PLXNC1: variants seen among roughly 807,000 people sequenced by gnomAD.
The protein encoded by PLXNC1 is plexin-C1.
Under a neutral mutation model 178.2 loss-of-function variants are expected in PLXNC1, and 75 were observed. The ratio of observed to expected loss-of-function variants is 0.42; its 90% CI spans 0.35 to 0.51. The LOEUF (loss-of-function observed/expected upper bound fraction) is 0.51, where lower values mean the gene tolerates loss of function less well. Ranked by LOEUF, PLXNC1 falls within the 20% of genes least tolerant of loss-of-function variation. The pLI, the probability that PLXNC1 is intolerant of heterozygous loss-of-function variation, is 0.02. For synonymous variants in PLXNC1, 790 were observed against 779.9 expected (o/e 1.01, Z -0.22); for missense variants, 1,503 against 1,984.4 (o/e 0.76, Z 4.61).
At chr12:94,172,612 T>C (rs1208902929) in intron 2 of PLXNC1, among the ~76,000 whole-genome samples, 1 of 152,204 alleles carries the variant, frequency 6.6e-6, no homozygotes, top group East Asian at 1.9e-4. Context: ...TCTCTATTTA[T>C]GTAGTTGAGG....
intron 24 of PLXNC1, among the ~76,000 whole-genome samples, 173 bp from the exon 25 acceptor site, chr12:94,297,016 C>T (rs981601067): frequency 6.6e-6 from 1 of 152,178 alleles, no homozygotes; most frequent in Non-Finnish European, 1.5e-5. Context: ...TCACGCTGTT[C>T]TTAAGATCTT....
At chr12:94,304,588 C>A (rs923916550) in intron 30 of PLXNC1, among the ~76,000 whole-genome samples, 1 of 152,104 alleles carries the variant, frequency 6.6e-6, no homozygotes, top group African/African-American at 2.4e-5. Flanking sequence ...CTCCCCCTTC[C>A]CTGATTCCCC....
At chr12:94,236,116 ATAAT>A (rs2136044885) in intron 9 of PLXNC1, among the ~76,000 whole-genome samples, 1 of 152,358 alleles carries the variant, frequency 6.6e-6, no homozygotes, top group South Asian at 2.1e-4. Context: ...GTATAACAGA[ATAAT>A]TAAAGTGACC....
chr12:94,271,483 G>A (rs1024527373), intron 21 of PLXNC1, among the ~76,000 whole-genome samples: 1 of 152,196 alleles, frequency 6.6e-6, no homozygotes, highest in East Asian at 1.9e-4. Context: ...GGGTAAAACC[G>A]GTAGTGAAAG....
chr12:94,166,749 GGC>G (rs1385430836), intron 1 of PLXNC1, among the ~76,000 whole-genome samples: 2 of 151,822 alleles, frequency 1.3e-5, no homozygotes, highest in African/African-American at 4.8e-5. Flanking sequence ...TTGATTTAAT[GGC>G]TGCACCACTT....
intron 2 of PLXNC1, among the ~76,000 whole-genome samples, chr12:94,171,680 G>A (rs1052688575): frequency 6.6e-6 from 1 of 152,172 alleles, no homozygotes; most frequent in African/African-American, 2.4e-5. Flanking sequence ...TGCAGATAGG[G>A]TTCCATGCCG....
intron 9 of PLXNC1, 48 bp downstream of exon 9, chr12:94,227,283 G>A (rs1399302921): frequency 9.4e-7 from 1 of 1,067,692 alleles, no homozygotes; most frequent in Non-Finnish European, 1.5e-6. Flanking sequence ...GTCTTTGAAT[G>A]ACCATGACCA....
At chr12:94,299,300 G>C (rs1319322768) in intron 27 of PLXNC1, among the ~76,000 whole-genome samples, 1 of 152,118 alleles carries the variant, frequency 6.6e-6, no homozygotes, top group Non-Finnish European at 1.5e-5. Flanking sequence ...GACAGGCAAG[G>C]CATCCAAATT....
At chr12:94,216,858 T>C (rs1044360040) in intron 5 of PLXNC1, among the ~76,000 whole-genome samples, 5 of 152,212 alleles carry the variant, frequency 3.3e-5, no homozygotes, top group African/African-American at 1.2e-4. Flanking sequence ...GCATCCCACC[T>C]GCCCTTTAAG....
Position 94,149,477 on chromosome 12 carries a change from C to T in PLXNC1, c.506C>T (p.Ala169Val). 1 of 1,510,638 alleles carries T rather than the reference C, an allele frequency of 6.6e-7. No homozygotes were observed. Among genetic ancestry groups the T allele is most frequent in the Non-Finnish European group, 8.8e-7 (1 of 1,136,116 alleles). The allele number at this position is 1,510,638 out of a possible 1,614,324, so 93.6% of individuals were successfully genotyped here. ...QGSTAGVVYR[A>V]GRNNRWYLAV... ...TCGACGGCCGGCGTGGTGTACCGCG[C>T]GGGCCGGAACAACCGCTGGTACCTG... is the stretch of plus-strand genomic sequence containing the variant. The change falls in exon 1 of 31, where the codon GCG becomes GTG. Residue 169 changes from alanine (A) to valine (V), a missense_variant. Coordinates refer to ENST00000258526, the MANE Select transcript of PLXNC1 (RefSeq NM_005761.3).
intron 27 of PLXNC1, among the ~76,000 whole-genome samples, chr12:94,299,727 C>A (rs1968280361): frequency 6.6e-6 from 1 of 152,108 alleles, no homozygotes; most frequent in Non-Finnish European, 1.5e-5. Flanking sequence ...ACTCAGCTAA[C>A]TTTTAAAACT....
chr12:94,293,143 T>C (rs1468402173), intron 23 of PLXNC1, among the ~76,000 whole-genome samples: 1 of 152,222 alleles, frequency 6.6e-6, no homozygotes, highest in Non-Finnish European at 1.5e-5. Flanking sequence ...GATTGTAAGA[T>C]TTACCCATGT....
chr12:94,219,224 A>C (rs1171330326), intron 5 of PLXNC1, among the ~76,000 whole-genome samples: 2 of 152,234 alleles, frequency 1.3e-5, no homozygotes, highest in Non-Finnish European at 2.9e-5. Context: ...TGGCATTGGA[A>C]TAGAAGTAGA....
At position 94,294,518 on chromosome 12, in the gene PLXNC1, GA is replaced by G; in HGVS notation, c.3914del (p.Lys1305ArgfsTer2). Reference sequence around the variant, plus strand: ...ATGGATCCACTATAAAAGTCTTTAAGAAGATAGCAAATTTTACTTCAGGTAA... The same window carrying G: ...ATGGATCCACTATAAAAGTCTTTAAGAGATAGCAAATTTTACTTCAGGTAA... ...SNGSTIKVFK[K>X]IANFTSDVEY... On this transcript the variant is annotated frameshift_variant, in exon 24 of 31. Coordinates refer to ENST00000258526, the MANE Select transcript of PLXNC1 (RefSeq NM_005761.3). LOFTEE classifies it high-confidence loss of function. The G allele has an allele frequency of 7.6e-7, 1 of 1,316,356 alleles. No individual in the cohort carries two copies. The highest frequency in any genetic ancestry group is 1.1e-6 in the Non-Finnish European group (1 of 917,646). The allele number at this position is 1,316,356 out of a possible 1,614,324, so 81.5% of individuals were successfully genotyped here.
intron 4 of PLXNC1, 140 bp from the exon 5 acceptor site, chr12:94,209,450 C>A: frequency 1.6e-6 from 1 of 626,322 alleles, no homozygotes; most frequent in South Asian, 2.0e-5. Context: ...TATTCTCGCT[C>A]AAATCAATAA....
intron 4 of PLXNC1, among the ~76,000 whole-genome samples, chr12:94,206,918 A>G (rs1021249588): frequency 1.7e-4 from 26 of 152,154 alleles, no homozygotes; most frequent in East Asian, 5.8e-4. Flanking sequence ...GTGTTTATGC[A>G]CTTGACCGTT....
In PLXNC1 at chr12:94,209,572, G is replaced by A; in HGVS notation, c.1440-18G>A. On this transcript the variant is annotated intron_variant, in intron 4 of 30. Coordinates refer to ENST00000258526, the MANE Select transcript of PLXNC1 (RefSeq NM_005761.3). ...AACACACGTATGGGGTCGCTGTTTT[G>A]TTGCCTCGTTTTTTTAGGTGCACTT... The A allele has an allele frequency of 1.4e-6, 2 of 1,394,806 alleles. No homozygotes were observed. Among genetic ancestry groups the A allele is most frequent in the Non-Finnish European group, 1.0e-6 (1 of 992,882 alleles). 86.4% of individuals were successfully genotyped at this position (1,394,806 alleles called of 1,614,324 possible).
chr12:94,212,147 G>A (rs1054314960), intron 5 of PLXNC1, among the ~76,000 whole-genome samples: 7 of 151,608 alleles, frequency 4.6e-5, no homozygotes, highest in African/African-American at 1.4e-4. Context: ...GGTGGCGGGC[G>A]CCTGTAGTCC....
chr12:94,243,945 C>T lies in PLXNC1; in HGVS notation c.2308C>T (p.Gln770Ter). Residue 770 changes from glutamine (Q) to a stop codon, truncating the protein, a stop_gained, in exon 12 of 31, where the codon CAA becomes TAA. Transcript: ENST00000258526. LOFTEE classifies it high-confidence loss of function. ...FPATTWISGG[Q>*]NITMMGRNFD... ...TGCTTTTATTCCTTGCAGTGGTGGT[C>T]AAAATATAACCATGATGGGCAGAAA... 1 of 1,576,124 alleles carries T rather than the reference C, an allele frequency of 6.3e-7. No homozygotes were observed. Among genetic ancestry groups the T allele is most frequent in the Non-Finnish European group, 8.7e-7 (1 of 1,148,718 alleles).
Sources: allele counts gnomAD v4.1 joint callset (sites outside exome capture counted in the v4.1 genomes callset), GRCh38; gene constraint gnomAD v4.1.1; transcripts MANE v1.5; gene names NCBI Gene and HGNC (gene_info 2026-07-23, HGNC 2026-07-21).